Variants in ABCB5 observed in about 807,000 individuals in gnomAD.
The protein encoded by ABCB5 is ATP-binding cassette sub-family B member 5.
Under a neutral mutation model 144.2 loss-of-function variants are expected in ABCB5, and 155 were observed. The observed-to-expected ratio is 1.08, with a 90% confidence interval of 0.94 to 1.23. The LOEUF (loss-of-function observed/expected upper bound fraction) is 1.23. Among genes scored for constraint, ABCB5 ranks in the 50% most tolerant of loss-of-function variants. ABCB5 has a pLI of 0.00. For synonymous variants in ABCB5, 610 were observed against 528.6 expected, an observed-to-expected ratio of 1.15 and a Z score of -2.11; for missense variants, 1,830 against 1,520.8, an observed-to-expected ratio of 1.20 and a Z score of -3.38.
At chr7:20,702,031 A>C (rs1330397162) in intron 19 of ABCB5, among the ~76,000 whole-genome samples, 1 of 152,196 alleles carries the variant, frequency 6.6e-6, no homozygotes, top group Non-Finnish European at 1.5e-5. Context: ...TCAGACTTGC[A>C]GTGCTTTTTA....
intron 26 of ABCB5, among the ~76,000 whole-genome samples, chr7:20,746,593 T>C (rs1488016153): frequency 6.6e-6 from 1 of 152,360 alleles, no homozygotes; most frequent in East Asian, 1.9e-4. Context: ...TGTAAGATCC[T>C]TTTTTATCAC....
chr7:20,648,309 ATTC>A (rs1258082223), intron 11 of ABCB5, among the ~76,000 whole-genome samples: 1 of 152,168 alleles, frequency 6.6e-6, no homozygotes. Flanking sequence ...GCTCCGTGAA[ATTC>A]TTCTACTCTG....
intron 5 of ABCB5, among the ~76,000 whole-genome samples, chr7:20,640,374 A>G (rs919822723): frequency 6.6e-6 from 1 of 152,140 alleles, no homozygotes; most frequent in African/African-American, 2.4e-5. Context: ...AAGACACCTT[A>G]TTTAATGTGT....
At chr7:20,743,108 G>T (rs893401855) in intron 25 of ABCB5, 34 bp downstream of exon 25, 2 of 1,603,372 alleles carry the variant, frequency 1.2e-6, no homozygotes, top group African/African-American at 2.7e-5. Flanking sequence ...TAATCTGGGG[G>T]TTAGCAGTCC....
chr7:20,687,355 ATC>A lies in ABCB5; in HGVS notation c.2010+1521_2010+1522del, dbSNP rs200935835. On this transcript the variant is annotated intron_variant, in intron 16 of 27. Coordinates refer to ENST00000404938, the MANE Select transcript of ABCB5 (RefSeq NM_001163941.2). ...GACAAAATGATATAATTGGTTTACA[ATC>A]TGATACAACTACGTGCTCCACACAT... 1.9e-3 allele frequency among the ~76,000 whole-genome samples: 295 copies of A among 152,368 alleles called. 3 individuals carry two copies. Among genetic ancestry groups the A allele is most frequent in the African/African-American group, 6.4e-3 (268 of 41,586 alleles).
At position 20,737,947 on chromosome 7, in the gene ABCB5, T is replaced by G. The variant is rs561584168; in HGVS notation, c.2868-1036T>G. On this transcript the variant is annotated intron_variant, in intron 23 of 27. Coordinates refer to ENST00000404938, the MANE Select transcript of ABCB5 (RefSeq NM_001163941.2). ...TTATTTTTGTTTTTATATTTTATAC[T>G]GTGTTTGATCTTTGTAAAGCCAACA... Among the ~76,000 whole-genome samples the G allele has an allele frequency of 2.6e-5, 4 of 152,342 alleles. No homozygotes were observed. The East Asian group carries it at 5.8e-4, about 22-fold the overall frequency.
chr7:20,730,014 A>C (rs1782157922), intron 23 of ABCB5, among the ~76,000 whole-genome samples: 1 of 152,248 alleles, frequency 6.6e-6, no homozygotes, highest in South Asian at 2.1e-4. Context: ...TTTAGTTTCT[A>C]TTCACATGAA....
In ABCB5 at chr7:20,723,086, T is replaced by C. The variant is rs1322995359; in HGVS notation, c.2492T>C (p.Phe831Ser). 1 of 1,614,080 alleles carries C rather than the reference T, an allele frequency of 6.2e-7. No individual in the cohort carries two copies. Among genetic ancestry groups the C allele is most frequent in the Admixed American group, 1.7e-5 (1 of 60,008 alleles). The change falls in exon 21 of 28, where the codon TTT becomes TCT. Residue 831 changes from phenylalanine (F) to serine (S), a missense_variant. Phe to Ser is a radical substitution (Grantham distance 155). Coordinates refer to ENST00000404938, the MANE Select transcript of ABCB5 (RefSeq NM_001163941.2). ...ATGGGACTTTCAGTTATCATTTCCT[T>C]TATATATGGATGGGAGATGACATTC... ...TNMGLSVIIS[F>S]IYGWEMTFLI...
chr7:20,688,790 T>TA (rs36200265), intron 16 of ABCB5, among the ~76,000 whole-genome samples: 1 of 152,032 alleles, frequency 6.6e-6, no homozygotes, highest in African/African-American at 2.4e-5. Context: ...TAGGCAGCCA[T>TA]AAAAAAGGAT....
intron 14 of ABCB5, chr7:20,667,256 CAAAGT>C (rs1240355693): frequency 1.0e-6 from 1 of 981,854 alleles, no homozygotes; most frequent in Admixed American, 6.2e-5. Flanking sequence ...AGGAGCCTGG[CAAAGT>C]AAAGATGACA....
In ABCB5 at chr7:20,659,233, C is replaced by A. The variant is rs530784052; in HGVS notation, c.1707+557C>A. 3.5e-5 allele frequency: 55 copies of A among 1,559,282 alleles called. No individual in the cohort carries two copies. In the African/African-American group the frequency reaches 6.8e-4, roughly 19 times the overall value. On this transcript the variant is annotated intron_variant, in intron 14 of 27. Coordinates refer to ENST00000404938, the MANE Select transcript of ABCB5 (RefSeq NM_001163941.2). ...GCCATATGCAGTTGTGGCCCTGCAC[C>A]AAATTACACTGAATCTAGGAGGGGA...
chr7:20,727,768 A>G (rs1782082657), intron 22 of ABCB5, among the ~76,000 whole-genome samples: 1 of 152,228 alleles, frequency 6.6e-6, no homozygotes, highest in African/African-American at 2.4e-5. Context: ...TCCCTAAAAT[A>G]GTTTACATTT....
intron 7 of ABCB5, among the ~76,000 whole-genome samples, chr7:20,643,901 G>A (rs1233294327): frequency 1.3e-5 from 2 of 152,180 alleles, no homozygotes; most frequent in African/African-American, 4.8e-5. Flanking sequence ...TCAAGTGGTA[G>A]CATGGATAAA....
intron 17 of ABCB5, 117 bp downstream of exon 17, chr7:20,698,667 C>T: frequency 1.1e-6 from 1 of 936,056 alleles, no homozygotes. Flanking sequence ...GTGGGCCGCC[C>T]CTAGTGTGGA....
At chr7:20,687,608 G>T (rs1786044147) in intron 16 of ABCB5, among the ~76,000 whole-genome samples, 1 of 152,166 alleles carries the variant, frequency 6.6e-6, no homozygotes, top group Admixed American at 6.5e-5. Flanking sequence ...AACAGAGAAA[G>T]TGTCCTACAA....
chr7:20,733,984 G>A (rs1562585200), intron 23 of ABCB5, among the ~76,000 whole-genome samples: 1 of 152,022 alleles, frequency 6.6e-6, no homozygotes, highest in Non-Finnish European at 1.5e-5. Flanking sequence ...CAGAATAAGG[G>A]TACCCACACT....
intron 13 of ABCB5, among the ~76,000 whole-genome samples, chr7:20,654,159 T>G (rs901261244): frequency 6.6e-6 from 1 of 151,990 alleles, no homozygotes; most frequent in African/African-American, 2.4e-5. Context: ...AGTTGCCTAC[T>G]AGAGACAAAA....
chr7:20,666,889 G>C, intron 14 of ABCB5: 1 of 1,333,348 alleles, frequency 7.5e-7, no homozygotes, highest in African/African-American at 1.5e-5. Flanking sequence ...GACAGCATCA[G>C]CTCAAATTTT....
chr7:20,682,671 C>A (rs1389556809), intron 15 of ABCB5, among the ~76,000 whole-genome samples: 2 of 152,132 alleles, frequency 1.3e-5, no homozygotes, highest in African/African-American at 4.8e-5. Context: ...ATGTAGGAAG[C>A]ACCTAAGACA....
Sources: gnomAD v4.1 joint callset for allele counts (sites outside exome capture counted in the v4.1 genomes callset) on GRCh38, gnomAD v4.1.1 for gene constraint, MANE v1.5 for transcripts, NCBI Gene and HGNC (gene_info 2026-07-23, HGNC 2026-07-21) for gene names.